The following RBFOX1 variants were observed in gnomAD, a reference collection of about 807,000 sequenced individuals.
RBFOX1 encodes RNA binding fox-1 homolog 1, also known as RNA binding protein fox-1 homolog 1.
A neutral mutation model predicts 57.7 loss-of-function variants in RBFOX1; 8 were observed. The observed-to-expected ratio is 0.14, with a 90% confidence interval of 0.08 to 0.25. The LOEUF is 0.25. RBFOX1 is among the 10% of genes least tolerant of loss of function. The probability of loss-of-function intolerance (pLI) is 1.00; values close to 1 mark genes in which losing one functional copy is unlikely to be tolerated. For synonymous variants in RBFOX1, 326 were observed against 222.4 expected, an observed-to-expected ratio of 1.47 and a Z score of -4.15; for missense variants, 611 against 548.5, an observed-to-expected ratio of 1.11 and a Z score of -1.14.
At chr16:7,046,788 TAG>T (rs1474621207) in intron 3 of RBFOX1, among the ~76,000 whole-genome samples, 1 of 151,940 alleles carries the variant, frequency 6.6e-6, no homozygotes, top group Non-Finnish European at 1.5e-5. Flanking sequence ...GTATTTTTAA[TAG>T]AGACGGGGTT....
chr16:5,755,723 G>A (rs933800216), intron 3 of RBFOX1, among the ~76,000 whole-genome samples: 2 of 152,050 alleles, frequency 1.3e-5, no homozygotes, highest in Non-Finnish European at 2.9e-5. Flanking sequence ...CTCGGCCTCC[G>A]AAGTAGCTGG....
chr16:7,140,136 C>G (rs2073273471), intron 4 of RBFOX1, among the ~76,000 whole-genome samples: 1 of 148,520 alleles, frequency 6.7e-6, no homozygotes, highest in African/African-American at 2.5e-5. Flanking sequence ...CATTCTCATT[C>G]TCTTATTCTC....
At chr16:6,032,340 A>G (rs910956838) in intron 1 of RBFOX1, among the ~76,000 whole-genome samples, 3 of 151,014 alleles carry the variant, frequency 2.0e-5, no homozygotes, top group African/African-American at 7.3e-5. Context: ...AAAGCAGCTC[A>G]GAGAATTTAA....
intron 4 of RBFOX1, among the ~76,000 whole-genome samples, chr16:7,347,684 T>C (rs1177680111): frequency 2.6e-5 from 4 of 152,186 alleles, no homozygotes; most frequent in Admixed American, 2.0e-4. Context: ...TCTCTGCAAG[T>C]CTTCATTCAA....
chr16:7,017,452 C>A (rs180857792), intron 3 of RBFOX1, among the ~76,000 whole-genome samples: 2 of 152,298 alleles, frequency 1.3e-5, no homozygotes, highest in African/African-American at 4.8e-5. Context: ...TAGCATGCAA[C>A]GCACACACTG....
intron 1 of RBFOX1, among the ~76,000 whole-genome samples, chr16:5,241,487 C>G (rs912845785): frequency 5.9e-5 from 9 of 152,192 alleles, no homozygotes; most frequent in African/African-American, 1.7e-4. Flanking sequence ...GTGGAGTGAC[C>G]AAGTGTAGTG....
At chr16:6,608,580 G>T (rs941247620) in intron 2 of RBFOX1, among the ~76,000 whole-genome samples, 1 of 152,140 alleles carries the variant, frequency 6.6e-6, no homozygotes, top group Non-Finnish European at 1.5e-5. Context: ...CTTGAGACCA[G>T]GAGTTTGAGA....
chr16:5,765,491 T>C (rs1185385596), intron 3 of RBFOX1, among the ~76,000 whole-genome samples: 2 of 152,198 alleles, frequency 1.3e-5, no homozygotes, highest in Admixed American at 6.5e-5. Flanking sequence ...ATGAGAGGCG[T>C]AAAGACATTT....
intron 1 of RBFOX1, among the ~76,000 whole-genome samples, chr16:5,274,127 C>T (rs994620575): frequency 2.0e-5 from 3 of 152,184 alleles, no homozygotes; most frequent in African/African-American, 4.8e-5. Context: ...ACAGAAGCTC[C>T]ATATAGACAT....
At chr16:7,420,787 A>G (rs1275887580) in intron 4 of RBFOX1, among the ~76,000 whole-genome samples, 2 of 150,146 alleles carry the variant, frequency 1.3e-5, no homozygotes, top group Admixed American at 1.3e-4. Context: ...TTCTTATAAG[A>G]TCTGTTCTCT....
chr16:6,123,548 G>T (rs946027682), intron 1 of RBFOX1, among the ~76,000 whole-genome samples: 1 of 152,150 alleles, frequency 6.6e-6, no homozygotes, highest in African/African-American at 2.4e-5. Context: ...TCTCAGTATG[G>T]GAAGATGATA....
intron 3 of RBFOX1, among the ~76,000 whole-genome samples, chr16:6,879,040 G>C (rs752045775): frequency 3.3e-5 from 5 of 152,140 alleles, no homozygotes; most frequent in Admixed American, 6.5e-5. Context: ...TTGACCACAC[G>C]TGTAGTAGTG....
At chr16:6,883,612 A>C (rs1206150967) in intron 3 of RBFOX1, among the ~76,000 whole-genome samples, 1 of 152,168 alleles carries the variant, frequency 6.6e-6, no homozygotes, top group Non-Finnish European at 1.5e-5. Context: ...AAGCTGTTCT[A>C]CTCTGTGTTC....
intron 2 of RBFOX1, among the ~76,000 whole-genome samples, chr16:6,405,807 G>C (rs1462942449): frequency 1.3e-5 from 2 of 152,114 alleles, no homozygotes; most frequent in Non-Finnish European, 2.9e-5. Context: ...GTAGTGGCAG[G>C]GATGTATTAT....
At chr16:6,898,775 AT>A in intron 3 of RBFOX1, among the ~76,000 whole-genome samples, 1 of 151,778 alleles carries the variant, frequency 6.6e-6, no homozygotes, top group South Asian at 2.1e-4. Context: ...ATGCACATGC[AT>A]CTGTGTGTAT....
chr16:6,199,689 T>G (rs543093315), intron 1 of RBFOX1, among the ~76,000 whole-genome samples: 10 of 152,318 alleles, frequency 6.6e-5, no homozygotes, highest in Admixed American at 2.6e-4. Flanking sequence ...TCAAACTTCT[T>G]TGGGGAGAGA....
chr16:6,969,255 G>A (rs1241499146), intron 3 of RBFOX1, among the ~76,000 whole-genome samples: 5 of 152,116 alleles, frequency 3.3e-5, no homozygotes, highest in African/African-American at 1.2e-4. Context: ...GAAGACCTTG[G>A]AGATTATGGA....
intron 3 of RBFOX1, among the ~76,000 whole-genome samples, chr16:6,817,182 T>C (rs954339453): frequency 3.3e-5 from 5 of 152,200 alleles, no homozygotes; most frequent in South Asian, 2.1e-4. Flanking sequence ...GGACCTGTTA[T>C]ACATCACTGT....
At chr16:7,139,990 C>G (rs2073227289) in intron 4 of RBFOX1, among the ~76,000 whole-genome samples, 2 of 152,070 alleles carry the variant, frequency 1.3e-5, no homozygotes, top group Non-Finnish European at 2.9e-5. Context: ...CAAGTCAAGA[C>G]TGCAGTGGAT....
Sources: gnomAD v4.1 joint callset for allele counts (sites outside exome capture counted in the v4.1 genomes callset) on GRCh38, gnomAD v4.1.1 for gene constraint, MANE v1.5 for transcripts, NCBI Gene and HGNC (gene_info 2026-07-23, HGNC 2026-07-21) for gene names.